XKR9: variants seen among roughly 807,000 people sequenced by gnomAD.
XKR9 encodes XK related 9, also known as XK-related protein 9.
Under a neutral mutation model 32.0 loss-of-function variants are expected in XKR9, and 32 were observed. That is an observed-to-expected ratio of 1.00 (90% confidence interval 0.76 to 1.34). The LOEUF is 1.34. Ranked by LOEUF, XKR9 falls within the 40% of genes most tolerant of loss-of-function variation. XKR9 has a pLI of 0.00. For missense variants in XKR9, 546 were observed against 429.7 expected (o/e 1.27, Z -2.39); for synonymous variants, 168 against 143.4 (o/e 1.17, Z -1.22).
chr8:70,899,430 G>GT, the XKR9 span, among the ~76,000 whole-genome samples: 23,168 of 135,296 alleles, frequency 0.17, 1,856 homozygotes, highest in Non-Finnish European at 0.19. Context: ...CAGGAAGACA[G>GT]TTTTTTTTTT....
the XKR9 span, among the ~76,000 whole-genome samples, chr8:70,808,021 C>T: frequency 6.6e-6 from 1 of 151,538 alleles, no homozygotes; most frequent in Admixed American, 6.6e-5. Context: ...AAGTAAACCA[C>T]TCCTTAGGAA....
chr8:70,819,347 T>G, the XKR9 span, among the ~76,000 whole-genome samples: 1 of 152,222 alleles, frequency 6.6e-6, no homozygotes, highest in East Asian at 1.9e-4. Flanking sequence ...TTTAGGAAAA[T>G]TGCGTAAAAG....
chr8:70,905,438 C>T, the XKR9 span, among the ~76,000 whole-genome samples: 1 of 152,176 alleles, frequency 6.6e-6, no homozygotes, highest in Non-Finnish European at 1.5e-5. Context: ...GCATGCCTCA[C>T]GTAGTTCTCA....
chr8:70,683,105 A>C (rs919058211), intron 3 of XKR9, among the ~76,000 whole-genome samples: 15 of 152,198 alleles, frequency 9.9e-5, no homozygotes, highest in Non-Finnish European at 2.9e-5. Flanking sequence ...AACATTTGTA[A>C]ATATATCAGC....
At chr8:70,790,097 C>G (rs1217027165) in exon 4 of XKR9, 1 of 147,812 alleles carries the variant, frequency 6.8e-6, no homozygotes, top group South Asian at 2.1e-4. Context: ...TACTAAAGGA[C>G]TCATCTTAGC....
At chr8:70,760,539 C>T (rs1807293458) in intron 2 of XKR9, among the ~76,000 whole-genome samples, 1 of 152,066 alleles carries the variant, frequency 6.6e-6, no homozygotes, top group South Asian at 2.1e-4. Flanking sequence ...AAGGGTTTTG[C>T]TATGTTTCCC....
the XKR9 span, among the ~76,000 whole-genome samples, chr8:70,882,394 G>C: frequency 1.3e-5 from 2 of 151,648 alleles, no homozygotes; most frequent in South Asian, 2.1e-4. Context: ...CCCCTCTCCT[G>C]TTTCTAGTTA....
chr8:70,979,632 C>T, the XKR9 span, among the ~76,000 whole-genome samples: 4 of 152,192 alleles, frequency 2.6e-5, no homozygotes, highest in Admixed American at 6.5e-5. Flanking sequence ...CTGGCAGCTT[C>T]GTCTCAGAGG....
chr8:70,712,921 A>G (rs1805967876), intron 4 of XKR9, among the ~76,000 whole-genome samples: 1 of 152,190 alleles, frequency 6.6e-6, no homozygotes. Flanking sequence ...AGTAGTTTAT[A>G]GCACCAAAAC....
At chr8:70,899,429 A>G in the XKR9 span, among the ~76,000 whole-genome samples, 34 of 138,320 alleles carry the variant, frequency 2.5e-4, no homozygotes, top group African/African-American at 9.0e-4. Flanking sequence ...CCAGGAAGAC[A>G]GTTTTTTTTT....
chr8:70,799,357 G>T, the XKR9 span, among the ~76,000 whole-genome samples: 3 of 152,100 alleles, frequency 2.0e-5, no homozygotes, highest in Non-Finnish European at 4.4e-5. Context: ...TTGAGACGGA[G>T]TCTCACTCTG....
the XKR9 span, among the ~76,000 whole-genome samples, chr8:70,813,839 TTGG>T: frequency 6.6e-6 from 1 of 152,340 alleles, no homozygotes; most frequent in South Asian, 2.1e-4. Flanking sequence ...TTTTACACTG[TTGG>T]TGGGTTTGTA....
the XKR9 span, among the ~76,000 whole-genome samples, chr8:70,973,043 C>T: frequency 4.6e-5 from 7 of 152,006 alleles, no homozygotes; most frequent in East Asian, 9.6e-4. Flanking sequence ...AGGATTGATA[C>T]GATGTCTTTG....
chr8:70,967,123 T>C, the XKR9 span, among the ~76,000 whole-genome samples: 1 of 146,882 alleles, frequency 6.8e-6, no homozygotes, highest in Non-Finnish European at 1.5e-5. Context: ...AGTGCAGTGG[T>C]GCGATCTTGG....
the XKR9 span, among the ~76,000 whole-genome samples, chr8:70,993,031 C>G: frequency 6.6e-6 from 1 of 152,220 alleles, no homozygotes; most frequent in Non-Finnish European, 1.5e-5. Context: ...ACCTTTGTGT[C>G]TCTTCAGCAT....
the XKR9 span, among the ~76,000 whole-genome samples, chr8:70,828,892 A>G: frequency 4.6e-5 from 7 of 152,184 alleles, no homozygotes; most frequent in Non-Finnish European, 1.0e-4. Context: ...CTTTATATGC[A>G]TTAATTTTTC....
At chr8:71,028,908 AAG>A in the XKR9 span, among the ~76,000 whole-genome samples, 5 of 150,932 alleles carry the variant, frequency 3.3e-5, no homozygotes, top group African/African-American at 4.9e-5. Flanking sequence ...GACACACAGA[AAG>A]AGAGAGAGAG....
the XKR9 span, among the ~76,000 whole-genome samples, chr8:70,905,660 G>T: frequency 6.6e-6 from 1 of 152,114 alleles, no homozygotes; most frequent in Non-Finnish European, 1.5e-5. Flanking sequence ...GCTTTGTTCT[G>T]CTGCTGGCAA....
At chr8:70,873,358 A>C in the XKR9 span, among the ~76,000 whole-genome samples, 1 of 152,202 alleles carries the variant, frequency 6.6e-6, no homozygotes, top group Admixed American at 6.6e-5. Flanking sequence ...TTACCGAGTA[A>C]GTCCTGTGAT....
Sources: gnomAD v4.1 joint callset for allele counts (sites outside exome capture counted in the v4.1 genomes callset) on GRCh38, gnomAD v4.1.1 for gene constraint, MANE v1.5 for transcripts, NCBI Gene and HGNC (gene_info 2026-07-23, HGNC 2026-07-21) for gene names.